TANC2: variants seen among roughly 807,000 people sequenced by gnomAD.
TANC2 encodes the protein protein TANC2.
A neutral mutation model predicts 210.5 loss-of-function variants in TANC2; 26 were observed. That is an observed-to-expected ratio of 0.12 (90% confidence interval 0.09 to 0.17). The LOEUF (loss-of-function observed/expected upper bound fraction) is 0.17. Among genes scored for constraint, TANC2 ranks in the 10% least tolerant of loss-of-function variants. The pLI, the probability that TANC2 is intolerant of heterozygous loss-of-function variation, is 1.00. For synonymous variants in TANC2, 931 were observed against 967.1 expected (o/e 0.96, Z 0.69); for missense variants, 2,129 against 2,608.9 (o/e 0.82, Z 4.01).
intron 11 of TANC2, among the ~76,000 whole-genome samples, chr17:63,322,323 C>T (rs912349669): frequency 7.9e-5 from 12 of 152,000 alleles, no homozygotes; most frequent in Non-Finnish European, 1.6e-4. Context: ...ATGGTGAAGC[C>T]CCGTCTCTAC....
chr17:63,349,652 T>A (rs2146863232), intron 12 of TANC2, among the ~76,000 whole-genome samples: 1 of 152,254 alleles, frequency 6.6e-6, no homozygotes, highest in South Asian at 2.1e-4. Context: ...CCTGAACCAG[T>A]ACAGGGATAG....
chr17:63,297,089 GCTT>G (rs1258612917), intron 9 of TANC2, among the ~76,000 whole-genome samples: 1 of 152,146 alleles, frequency 6.6e-6, no homozygotes, highest in Non-Finnish European at 1.5e-5. Flanking sequence ...AAGCAGTTAT[GCTT>G]CTTCTATATA....
rs2043858422 is a variant in TANC2 at position 63,275,943 on chromosome 17, T to C, written c.1159+8070T>C. Among the ~76,000 whole-genome samples, 4 of 152,106 alleles carry C rather than the reference T, an allele frequency of 2.6e-5. No individual in the cohort carries two copies. In the South Asian group the frequency reaches 8.3e-4, roughly 32 times the overall value. ...GAAAAATAACACACTCTTAACCTAT[T>C]TTGATGTTTTGATCTAAATTAAAGA... On this transcript the variant is annotated intron_variant, in intron 9 of 27. Transcript: ENST00000689528.
chr17:63,151,332 C>T, exon 5 of TANC2: 1 of 985,804 alleles, frequency 1.0e-6, no homozygotes, highest in Non-Finnish European at 1.2e-6. Flanking sequence ...GCTTGGCTCA[C>T]CAACCCTCAC....
chr17:63,313,160 A>G (rs994026625), intron 9 of TANC2, among the ~76,000 whole-genome samples: 1 of 151,452 alleles, frequency 6.6e-6, no homozygotes, highest in Admixed American at 6.6e-5. Context: ...TCTCTTTCCC[A>G]CTCCTGGCCT....
At chr17:63,055,813 A>G (rs2035752885) in intron 2 of TANC2, among the ~76,000 whole-genome samples, 1 of 149,938 alleles carries the variant, frequency 6.7e-6, no homozygotes, top group African/African-American at 2.4e-5. Flanking sequence ...TGAGTAATGG[A>G]TTCCTAGATT....
At chr17:63,317,393 A>G (rs2045349899) in intron 10 of TANC2, among the ~76,000 whole-genome samples, 1 of 144,128 alleles carries the variant, frequency 6.9e-6, no homozygotes, top group Non-Finnish European at 1.5e-5. Flanking sequence ...CTTTCCACCT[A>G]CTCTCCCAAA....
chr17:62,998,520 A>G (rs1338299653), intron 1 of TANC2, among the ~76,000 whole-genome samples: 2 of 152,236 alleles, frequency 1.3e-5, no homozygotes, highest in South Asian at 2.1e-4. Flanking sequence ...GGGGTGGGTC[A>G]CTTAAAAAGG....
At chr17:63,277,686 C>G (rs1165727304) in intron 9 of TANC2, among the ~76,000 whole-genome samples, 4 of 151,416 alleles carry the variant, frequency 2.6e-5, no homozygotes, top group Non-Finnish European at 5.9e-5. Context: ...TAGACACTGC[C>G]AGATGGACAA....
At chr17:63,135,005 C>T (rs1481527054) in intron 4 of TANC2, among the ~76,000 whole-genome samples, 1 of 152,086 alleles carries the variant, frequency 6.6e-6, no homozygotes, top group African/African-American at 2.4e-5. Context: ...TTGCTTGAGG[C>T]CAGGAGTTCG....
At chr17:63,290,388 CAG>C (rs1209865251) in intron 9 of TANC2, among the ~76,000 whole-genome samples, 12 of 152,334 alleles carry the variant, frequency 7.9e-5, no homozygotes, top group African/African-American at 2.9e-4. Context: ...TGACTGTACT[CAG>C]TGATTTGCCC....
At chr17:63,143,942 C>T (rs1018493908) in intron 4 of TANC2, among the ~76,000 whole-genome samples, 1 of 151,912 alleles carries the variant, frequency 6.6e-6, no homozygotes, top group Non-Finnish European at 1.5e-5. Flanking sequence ...TGCCTGAGTC[C>T]AGGAGTTTGA....
intron 4 of TANC2, among the ~76,000 whole-genome samples, chr17:63,119,535 C>T (rs780361217): frequency 2.6e-5 from 4 of 151,968 alleles, no homozygotes; most frequent in Non-Finnish European, 5.9e-5. Flanking sequence ...TATAACGGAT[C>T]AAATAAATAT....
chr17:62,989,669 A>G (rs576223429), intron 1 of TANC2, among the ~76,000 whole-genome samples: 2 of 152,278 alleles, frequency 1.3e-5, no homozygotes, highest in East Asian at 3.9e-4. Flanking sequence ...ATAACTTTAA[A>G]ATATTTTATT....
chr17:63,251,148 A>G (rs1257735382), intron 8 of TANC2, among the ~76,000 whole-genome samples: 1 of 152,200 alleles, frequency 6.6e-6, no homozygotes, highest in Non-Finnish European at 1.5e-5. Context: ...ACCTACTACA[A>G]TCAGTGAAGG....
chr17:63,197,286 T>C (rs2041377139), intron 6 of TANC2, among the ~76,000 whole-genome samples: 1 of 152,150 alleles, frequency 6.6e-6, no homozygotes, highest in South Asian at 2.1e-4. Context: ...TATTTTTAAA[T>C]TGTTAAGCTT....
rs77332895 is a variant in TANC2, at chr17:63,278,029, T to C, written c.1159+10156T>C. Among the ~76,000 whole-genome samples, 566 of 152,056 alleles carry C rather than the reference T, an allele frequency of 3.7e-3. 1 individual carries two copies. Among genetic ancestry groups the C allele is most frequent in the African/African-American group, 0.012 (519 of 41,526 alleles). On this transcript the variant is annotated intron_variant, in intron 9 of 27. Coordinates refer to ENST00000689528, the Ensembl canonical transcript of TANC2. The stretch of plus-strand genomic sequence containing the variant: ...TTACAAAAACTTTAAAAATTAGCCA[T>C]GCACGGTGGTACACGCCTGTAGTCC...
chr17:63,079,755 A>G (rs989903770), intron 3 of TANC2, among the ~76,000 whole-genome samples: 6 of 152,102 alleles, frequency 3.9e-5, no homozygotes, highest in Non-Finnish European at 8.8e-5. Flanking sequence ...GACTGTGCCA[A>G]TGTCTTACCC....
intron 7 of TANC2, among the ~76,000 whole-genome samples, chr17:63,234,698 T>G (rs1200701232): frequency 3.3e-5 from 5 of 152,136 alleles, no homozygotes; most frequent in African/African-American, 1.2e-4. Flanking sequence ...TCTCCAGAAA[T>G]GTACAGTGTA....
Sources: allele counts gnomAD v4.1 joint callset (sites outside exome capture counted in the v4.1 genomes callset), GRCh38; gene constraint gnomAD v4.1.1; transcripts MANE v1.5; gene names NCBI Gene and HGNC (gene_info 2026-07-23, HGNC 2026-07-21).